GPRIN2: variants seen among roughly 807,000 people sequenced by gnomAD.
The protein encoded by GPRIN2 is G protein-regulated inducer of neurite outgrowth 2.
Under a neutral mutation model 0.3 loss-of-function variants are expected in GPRIN2, and 1 was observed. The observed-to-expected ratio is 3.90, with a 90% CI of 1.39 to 18.51. The LOEUF (loss-of-function observed/expected upper bound fraction) is 18.51, where lower values mean the gene tolerates loss of function less well. Among genes scored for constraint, GPRIN2 ranks in the 30% most tolerant of loss-of-function variants. The probability of loss-of-function intolerance (pLI) is 0.11; values close to 1 mark genes in which losing one functional copy is unlikely to be tolerated. For missense variants in GPRIN2, 880 were observed against 604.2 expected, an observed-to-expected ratio of 1.46 and a Z score of -4.79; for synonymous variants, 361 against 258.6, an observed-to-expected ratio of 1.40 and a Z score of -3.80.
Position 46,549,356 on chromosome 10 carries a change from C to T in GPRIN2, c.*4G>A, listed in dbSNP as rs1239065476. 4.8e-6 allele frequency: 7 copies of T among 1,469,166 alleles called. No homozygotes were observed. The highest frequency in any genetic ancestry group is 2.5e-5 in the East Asian group (1 of 40,448). The allele number at this position is 1,469,166 out of a possible 1,614,324, so 91.0% of individuals were successfully genotyped here. ...CCCAGGCCAGCTCCAAGGGCCACAG[C>T]TCCTCACTCGGGGGCCGCGCCGGAG... On this transcript the variant is annotated 3_prime_UTR_variant, in exon 3 of 3. Transcript: ENST00000374314.
rs1842291546 is a variant in GPRIN2 at position 46,547,691 on chromosome 10, T to C, written c.*1669A>G. On this transcript the variant is annotated 3_prime_UTR_variant, in exon 3 of 3. Coordinates refer to ENST00000374314, the MANE Select transcript of GPRIN2 (RefSeq NM_001385282.1). ...CTAACAGGCTGGGGTTCCTGGAGACTCCATGGGGAGCCAGGCATGAAGATG... is the reference window on the plus strand; with the variant it reads ...CTAACAGGCTGGGGTTCCTGGAGACCCCATGGGGAGCCAGGCATGAAGATG... Among the ~76,000 whole-genome samples the C allele has an allele frequency of 6.6e-6, 1 of 152,312 alleles. No homozygotes were observed. The highest frequency in any genetic ancestry group is 6.5e-5 in the Admixed American group (1 of 15,294).
intron 2 of GPRIN2, among the ~76,000 whole-genome samples, chr10:46,553,904 T>C (rs1340805886): frequency 6.6e-6 from 1 of 152,294 alleles, no homozygotes; most frequent in African/African-American, 2.4e-5. Flanking sequence ...GCTTCCACAC[T>C]GCCTGTCACA....
At chr10:46,551,954 G>C (rs1842665314) in intron 2 of GPRIN2, among the ~76,000 whole-genome samples, 2 of 152,312 alleles carry the variant, frequency 1.3e-5, no homozygotes, top group Admixed American at 6.5e-5. Flanking sequence ...CCAACACCCA[G>C]CACTGACCTG....
Position 46,545,984 on chromosome 10 carries a change from CAA to C in GPRIN2, c.*3374_*3375del, listed in dbSNP as rs1842123445. Among the ~76,000 whole-genome samples, 1 of 152,308 alleles carries C rather than the reference CAA, an allele frequency of 6.6e-6. No individual in the cohort carries two copies. The highest frequency in any genetic ancestry group is 6.5e-5 in the Admixed American group (1 of 15,294). On this transcript the variant is annotated 3_prime_UTR_variant, in exon 3 of 3. Coordinates refer to ENST00000374314, the MANE Select transcript of GPRIN2 (RefSeq NM_001385282.1). ...TAAGCTACGGTGGCCAACCCCAGCCCAAAGTGTTGGGACCTGCGTGTAGAAGA... is the reference window on the plus strand; with the variant it reads ...TAAGCTACGGTGGCCAACCCCAGCCCAGTGTTGGGACCTGCGTGTAGAAGA...
chr10:46,557,290 A>T (rs1831744823), upstream of GPRIN2, among the ~76,000 whole-genome samples: 41 of 152,344 alleles, frequency 2.7e-4, no homozygotes, highest in Non-Finnish European at 5.6e-4. Flanking sequence ...ACTCTCATGG[A>T]CCCCAAACCT....
rs1832866620 is a variant in GPRIN2 at position 46,547,088 on chromosome 10, G to C, written c.*2272C>G. On this transcript the variant is annotated 3_prime_UTR_variant, in exon 3 of 3. Transcript: ENST00000374314. ...AACCCTGTGGCAGGTGGCCCTTTCT[G>C]CACCTGCTGAACATGCCATTCACCT... is the stretch of plus-strand genomic sequence containing the variant. 1.7e-3 allele frequency among the ~76,000 whole-genome samples: 255 copies of C among 152,288 alleles called. No individual in the cohort carries two copies. In the East Asian group the frequency reaches 0.042, roughly 25 times the overall value.
rs1383345462 is a variant in GPRIN2, at chr10:46,545,703, G to A, written c.*3657C>T. 6.6e-6 allele frequency among the ~76,000 whole-genome samples: 1 copy of A among 152,312 alleles called. No homozygotes were observed. The highest frequency in any genetic ancestry group is 1.5e-5 in the Non-Finnish European group (1 of 68,058). On this transcript the variant is annotated 3_prime_UTR_variant, in exon 3 of 3. Coordinates refer to ENST00000374314, the MANE Select transcript of GPRIN2 (RefSeq NM_001385282.1). ...GGCTGTGATCACAGCCAAGCTGGCAGGGTAAGAGGTGGCCCCTGAATGTGG... is the reference window on the plus strand; with the variant it reads ...GGCTGTGATCACAGCCAAGCTGGCAAGGTAAGAGGTGGCCCCTGAATGTGG...
At chr10:46,555,475 G>C (rs1200587426) in intron 1 of GPRIN2, 3 of 153,536 alleles carry the variant, frequency 2.0e-5, no homozygotes, top group Admixed American at 6.5e-5. Context: ...CAGAGTGAAC[G>C]GGGCCTGATA....
rs1325809322 is a variant in GPRIN2 at position 46,543,047 on chromosome 10, C to T, written c.*6313G>A. ...GCAGGGCCACTGACAACTGATTTCTCATTCTGGGCAAAAGCAATGGAAACT... is the reference window on the plus strand; with the variant it reads ...GCAGGGCCACTGACAACTGATTTCTTATTCTGGGCAAAAGCAATGGAAACT... On this transcript the variant is annotated 3_prime_UTR_variant, in exon 3 of 3. Transcript: ENST00000374314. Among the ~76,000 whole-genome samples the T allele has an allele frequency of 2.0e-5, 3 of 152,308 alleles. No homozygotes were observed. The highest frequency in any genetic ancestry group is 4.4e-5 in the Non-Finnish European group (3 of 68,056).
At chr10:46,552,649 C>A (rs1832108497) in intron 2 of GPRIN2, among the ~76,000 whole-genome samples, 2 of 152,430 alleles carry the variant, frequency 1.3e-5, no homozygotes, top group East Asian at 1.9e-4. Context: ...CTACCCTGTG[C>A]TGTCCAATAG....
chr10:46,548,085 C>T lies in GPRIN2; in HGVS notation c.*1275G>A, dbSNP rs1257243344. The stretch of plus-strand genomic sequence containing the variant: ...AAACAGGCCAGGTCGTGGGCCATGA[C>T]CCCACACTAGCCCTCTGGTCCCTCA... On this transcript the variant is annotated 3_prime_UTR_variant, in exon 3 of 3. Coordinates refer to ENST00000374314, the MANE Select transcript of GPRIN2 (RefSeq NM_001385282.1). 6.6e-6 allele frequency among the ~76,000 whole-genome samples: 1 copy of T among 152,308 alleles called. No individual in the cohort carries two copies. Among genetic ancestry groups the T allele is most frequent in the African/African-American group, 2.4e-5 (1 of 41,488 alleles).
In GPRIN2 at chr10:46,546,511, T is replaced by A. The variant is rs1842173854; in HGVS notation, c.*2849A>T. ...CTCCAAATTTGTATCTGTTTTGAAT[T>A]CAAAGCCAAACAAACACATCAACAG... On this transcript the variant is annotated 3_prime_UTR_variant, in exon 3 of 3. Transcript: ENST00000374314. Among the ~76,000 whole-genome samples the A allele has an allele frequency of 6.6e-6, 1 of 152,308 alleles. No homozygotes were observed. Among genetic ancestry groups the A allele is most frequent in the African/African-American group, 2.4e-5 (1 of 41,486 alleles).
In GPRIN2 at chr10:46,554,577, A is replaced by C. The variant is rs1302986481; in HGVS notation, c.-7+8T>G. On this transcript the variant is annotated splice_region_variant and intron_variant, in intron 2 of 2. Transcript: ENST00000374314. Reference sequence around the variant, plus strand: ...TATCCAAGACCTCTAGTATTCTTTGAACGATACCTTAATGTTCTCTCTCCT... The same window carrying C: ...TATCCAAGACCTCTAGTATTCTTTGCACGATACCTTAATGTTCTCTCTCCT... The C allele has an allele frequency of 2.6e-5, 4 of 153,070 alleles. No homozygotes were observed. Among genetic ancestry groups the C allele is most frequent in the Non-Finnish European group, 5.8e-5 (4 of 68,508 alleles). 9.5% of individuals were successfully genotyped at this position (153,070 alleles called of 1,614,324 possible).
Position 46,549,446 on chromosome 10 carries a change from C to A in GPRIN2, c.1291G>T (p.Glu431Ter). Residue 431 changes from glutamate to a stop codon, truncating the protein, a stop_gained, in exon 3 of 3, where the codon GAG (glutamate) becomes TAG (stop). Coordinates refer to ENST00000374314, the MANE Select transcript of GPRIN2 (RefSeq NM_001385282.1). LOFTEE classifies it high-confidence loss of function. ...GCCCGCAGTGGCCCCCTCCGGCCCT[C>A]CACAGACAGGCTGTCCTCGCTGGCG... is the stretch of plus-strand genomic sequence containing the variant. ...APASEDSLSVEGRRGPLRAVM... is the reference protein window; with the variant it reads ...APASEDSLSV 1 of 1,606,674 alleles carries A rather than the reference C, an allele frequency of 6.2e-7. No homozygotes were observed. Among genetic ancestry groups the A allele is most frequent in the Non-Finnish European group, 8.5e-7 (1 of 1,176,078 alleles).
rs977962931 is a variant in GPRIN2 at position 46,545,202 on chromosome 10, T to A, written c.*4158A>T. ...GTCAATGGGTGCACCCCCAGATGCC[T>A]GTGACTCCCTCTGGTGGTTTCTGTG... is the stretch of plus-strand genomic sequence containing the variant. On this transcript the variant is annotated 3_prime_UTR_variant, in exon 3 of 3. Transcript: ENST00000374314. 3.3e-5 allele frequency among the ~76,000 whole-genome samples: 5 copies of A among 152,304 alleles called. No individual in the cohort carries two copies. Among genetic ancestry groups the A allele is most frequent in the African/African-American group, 1.2e-4 (5 of 41,482 alleles).
chr10:46,550,311 G>A lies in GPRIN2; in HGVS notation c.426C>T (p.Ser142=), dbSNP rs146392312. Residue 142 remains serine (S), a synonymous_variant, in exon 3 of 3, where the codon AGC becomes AGT. Coordinates refer to ENST00000374314, the MANE Select transcript of GPRIN2 (RefSeq NM_001385282.1). Reference sequence around the variant, plus strand: ...CAGGGCTGCTGCCAAGGGCTGAGCAGCTGAGACTGGCCTTCCGAGCACCAC... The same window carrying A: ...CAGGGCTGCTGCCAAGGGCTGAGCAACTGAGACTGGCCTTCCGAGCACCAC... ...GHSGARKASL[S]CSALGSSPVH... is the part of the protein sequence containing the mutation. 1.1e-3 allele frequency: 1,707 copies of A among 1,612,238 alleles called. No homozygotes were observed. The African/African-American group carries it at 0.021, about 19-fold the overall frequency.
rs1832752273 is a variant in GPRIN2, at chr10:46,549,316, G to C, written c.*44C>G. ...CCCACCGTCCCTGGCCCAGGTCTAG[G>C]ACTAAGTCAGTGGGCCCAGGCCAGC... On this transcript the variant is annotated 3_prime_UTR_variant, in exon 3 of 3. Transcript: ENST00000374314. 1.5e-4 allele frequency: 220 copies of C among 1,455,002 alleles called. No homozygotes were observed. Among genetic ancestry groups the C allele is most frequent in the Non-Finnish European group, 1.2e-4 (137 of 1,104,190 alleles). The allele number at this position is 1,455,002 out of a possible 1,614,324, so 90.1% of individuals were successfully genotyped here.
intron 2 of GPRIN2, among the ~76,000 whole-genome samples, chr10:46,551,892 A>G (rs1249200212): frequency 6.6e-6 from 1 of 152,312 alleles, no homozygotes; most frequent in Non-Finnish European, 1.5e-5. Flanking sequence ...CAGCCTCCCC[A>G]CAGGCCTGAA....
In GPRIN2 at chr10:46,549,396, G is replaced by C; in HGVS notation, c.1341C>G (p.Pro447=). ...CCGCGCCGGAGCAGCCGCAGCAGCT[G>C]GGGCGCCGCAGGGACTGCATGACAG... The part of the protein sequence containing the change: ...LRAVMQSLRR[P]SCCGCSGAAP... Residue 447 remains proline, a synonymous_variant, in exon 3 of 3, where the codon CCC becomes CCG. Coordinates refer to ENST00000374314, the MANE Select transcript of GPRIN2 (RefSeq NM_001385282.1). The C allele has an allele frequency of 2.0e-6, 3 of 1,504,486 alleles. No individual in the cohort carries two copies. Among genetic ancestry groups the C allele is most frequent in the Non-Finnish European group, 2.7e-6 (3 of 1,130,288 alleles). The allele number at this position is 1,504,486 out of a possible 1,614,324, so 93.2% of individuals were successfully genotyped here. A position where few individuals can be genotyped will look rare whatever the true frequency, so the allele number is the denominator to read the frequency against.
Sources: allele counts gnomAD v4.1 joint callset (sites outside exome capture counted in the v4.1 genomes callset), GRCh38; gene constraint gnomAD v4.1.1; transcripts MANE v1.5; gene names NCBI Gene and HGNC (gene_info 2026-07-23, HGNC 2026-07-21).